SYNJ1: variants seen among roughly 807,000 people sequenced by gnomAD.
The protein encoded by SYNJ1 is synaptojanin 1.
In SYNJ1, 78 loss-of-function variants were observed where a neutral mutation model predicts 168.2. The observed-to-expected ratio is 0.46, with a 90% CI of 0.39 to 0.56. The LOEUF (loss-of-function observed/expected upper bound fraction) is 0.56. Ranked by LOEUF, SYNJ1 falls within the 20% of genes least tolerant of loss-of-function variation. The pLI, the probability that SYNJ1 is intolerant of heterozygous loss-of-function variation, is 0.00. For missense variants in SYNJ1, 1,303 were observed against 1,597.6 expected (o/e 0.82, Z 3.14); for synonymous variants, 539 against 548.6 (o/e 0.98, Z 0.24).
rs1197631788 is a variant in SYNJ1 at position 32,629,227 on chromosome 21, C to T, written c.*2578G>A. 6.6e-6 allele frequency: 1 copy of T among 152,612 alleles called. No individual in the cohort carries two copies. Among genetic ancestry groups the T allele is most frequent in the Non-Finnish European group, 1.5e-5 (1 of 68,036 alleles). 9.5% of individuals were successfully genotyped at this position (152,612 alleles called of 1,614,324 possible). A position where few individuals can be genotyped will look rare whatever the true frequency, so the allele number is the denominator to read the frequency against. On this transcript the variant is annotated 3_prime_UTR_variant, in exon 33 of 33. Transcript: ENST00000674351. ...AATGAATTATTTTGCTAATGGAGAG[C>T]AAATACCATATACACTAGTCACATG...
chr21:32,718,934 C>T (rs2048568551), intron 2 of SYNJ1, among the ~76,000 whole-genome samples: 1 of 152,130 alleles, frequency 6.6e-6, no homozygotes, highest in African/African-American at 2.4e-5. Context: ...ATTCCCCACC[C>T]CTGAAAATAA....
Position 32,639,037 on chromosome 21 carries a change from C to CTCTT in SYNJ1, c.3782_3785dup (p.Pro1263ArgfsTer34). ...TAGGTGCTGCCACAGGGACAAGAGGCTCTTGCAACCTTTGAGCAGGCGGGG... is the reference window on the plus strand; with the variant it reads ...TAGGTGCTGCCACAGGGACAAGAGGCTCTTTCTTGCAACCTTTGAGCAGGCGGGG... On this transcript the variant is annotated frameshift_variant, in exon 31 of 33. Coordinates refer to ENST00000674351, the MANE Select transcript of SYNJ1 (RefSeq NM_203446.3). LOFTEE classifies it high-confidence loss of function. 6.2e-7 allele frequency: 1 copy of CTCTT among 1,614,022 alleles called. No homozygotes were observed. Among genetic ancestry groups the CTCTT allele is most frequent in the Non-Finnish European group, 8.5e-7 (1 of 1,179,940 alleles).
In SYNJ1 at chr21:32,697,075, T is replaced by A. The variant is rs529290683; in HGVS notation, c.480-1793A>T. Among the ~76,000 whole-genome samples, 7 of 152,340 alleles carry A rather than the reference T, an allele frequency of 4.6e-5. No individual in the cohort carries two copies. In the South Asian group the frequency reaches 1.4e-3, roughly 32 times the overall value. The stretch of plus-strand genomic sequence containing the variant: ...TTAAATAGACCTTAAATCCTATGCA[T>A]TTTGTGCAGGCAGAGTTTCTCTCTC... On this transcript the variant is annotated intron_variant, in intron 4 of 32. Transcript: ENST00000674351.
At chr21:32,710,704 T>C (rs539687166) in intron 2 of SYNJ1, among the ~76,000 whole-genome samples, 2 of 152,112 alleles carry the variant, frequency 1.3e-5, no homozygotes, top group Non-Finnish European at 2.9e-5. Flanking sequence ...TGGACTTTTA[T>C]AAACTTCAAA....
intron 7 of SYNJ1, 69 bp from the exon 8 acceptor site, chr21:32,687,143 C>A: frequency 2.6e-6 from 2 of 778,000 alleles, no homozygotes; most frequent in Non-Finnish European, 3.9e-6. Context: ...AAACAATAAT[C>A]CATTATTAAA....
At chr21:32,693,007 G>A (rs1323872393) in intron 6 of SYNJ1, among the ~76,000 whole-genome samples, 3 of 151,690 alleles carry the variant, frequency 2.0e-5, no homozygotes, top group African/African-American at 2.4e-5. Context: ...CTCAAGCCTG[G>A]GTGGCAGAGT....
chr21:32,665,488 C>A (rs1472644043), intron 17 of SYNJ1, among the ~76,000 whole-genome samples: 2 of 152,210 alleles, frequency 1.3e-5, no homozygotes, highest in Non-Finnish European at 2.9e-5. Flanking sequence ...CACTGAGCCA[C>A]ACTAAATTGT....
In SYNJ1 at chr21:32,712,775, A is replaced by G. The variant is rs144290414; in HGVS notation, c.125-10728T>C. ...TTACAATGGGAGAACCTAATTTTAAATTGTTTGTTGGAGGAGGACAATGAT... is the reference window on the plus strand; with the variant it reads ...TTACAATGGGAGAACCTAATTTTAAGTTGTTTGTTGGAGGAGGACAATGAT... On this transcript the variant is annotated intron_variant, in intron 2 of 32. Transcript: ENST00000674351. Among the ~76,000 whole-genome samples the G allele has an allele frequency of 2.6e-5, 4 of 152,322 alleles. No individual in the cohort carries two copies. In the East Asian group the frequency reaches 7.7e-4, roughly 29 times the overall value.
intron 13 of SYNJ1, among the ~76,000 whole-genome samples, chr21:32,674,141 A>G (rs2041311486): frequency 6.6e-6 from 1 of 152,110 alleles, no homozygotes; most frequent in Non-Finnish European, 1.5e-5. Context: ...GGCCCTCAAC[A>G]ATTTGTCTTG....
intron 2 of SYNJ1, 103 bp from the exon 3 acceptor site, chr21:32,702,150 A>G (rs773047545): frequency 2.0e-5 from 15 of 748,644 alleles, no homozygotes; most frequent in Non-Finnish European, 2.8e-5. Flanking sequence ...TAAATCTGAT[A>G]TTCTTAAAAT....
rs538951924 is a variant in SYNJ1 at position 32,638,219 on chromosome 21, G to A, written c.3915+689C>T. Among the ~76,000 whole-genome samples the A allele has an allele frequency of 2.6e-5, 4 of 152,184 alleles. No individual in the cohort carries two copies. The East Asian group carries it at 7.7e-4, about 29-fold the overall frequency. On this transcript the variant is annotated intron_variant, in intron 31 of 32. Transcript: ENST00000674351. ...AAGTAGCCAGGACCACAGGTGCATG[G>A]CACAACACCTGGATAGTTCTTTAAT...
At chr21:32,656,538 G>A in intron 21 of SYNJ1, 149 bp downstream of exon 21, 3 of 643,920 alleles carry the variant, frequency 4.7e-6, no homozygotes, top group South Asian at 2.3e-5. Context: ...TCTTGCTTTA[G>A]TTTGGAAATA....
chr21:32,671,635 G>T (rs1362780747), intron 14 of SYNJ1, among the ~76,000 whole-genome samples: 1 of 152,136 alleles, frequency 6.6e-6, no homozygotes, highest in Non-Finnish European at 1.5e-5. Flanking sequence ...TGGAATAATG[G>T]TGTCTATGAA....
chr21:32,677,084 G>A (rs1305497670), intron 12 of SYNJ1, among the ~76,000 whole-genome samples: 1 of 152,192 alleles, frequency 6.6e-6, no homozygotes, highest in East Asian at 1.9e-4. Flanking sequence ...ATGAATAATG[G>A]AGAAAGGGAT....
At chr21:32,646,732 G>A (rs2040089109) in intron 23 of SYNJ1, 130 bp from the exon 24 acceptor site, 3 of 665,308 alleles carry the variant, frequency 4.5e-6, no homozygotes, top group Admixed American at 2.5e-5. Context: ...AACACACATG[G>A]ATTAAGCATG....
At chr21:32,632,322 C>G (rs1159272732) in intron 32 of SYNJ1, among the ~76,000 whole-genome samples, 1 of 151,680 alleles carries the variant, frequency 6.6e-6, no homozygotes, top group African/African-American at 2.4e-5. Context: ...ATTCCTAAGA[C>G]GAAGACTCCA....
intron 2 of SYNJ1, among the ~76,000 whole-genome samples, chr21:32,709,447 C>T (rs2042737447): frequency 6.7e-6 from 1 of 148,238 alleles, no homozygotes; most frequent in African/African-American, 2.5e-5. Flanking sequence ...ACCGCCTTTC[C>T]ACCCTGGGCG....
At position 32,673,265 on chromosome 21, in the gene SYNJ1, G is replaced by A. The variant is rs920052113; in HGVS notation, c.1726+75C>T. Reference sequence around the variant, plus strand: ...TTCATCAATTAATGCATCCTCTGAAGTGCTATATTTGTTTTCTAGATCAAT... The same window carrying A: ...TTCATCAATTAATGCATCCTCTGAAATGCTATATTTGTTTTCTAGATCAAT... On this transcript the variant is annotated intron_variant, in intron 14 of 32. Transcript: ENST00000674351. 70 of 1,328,040 alleles carry A rather than the reference G, an allele frequency of 5.3e-5. No homozygotes were observed. In the Middle Eastern group the frequency reaches 9.7e-4, roughly 18 times the overall value. 82.3% of individuals were successfully genotyped at this position (1,328,040 alleles called of 1,614,324 possible).
chr21:32,681,187 T>A (rs144774856), intron 11 of SYNJ1, among the ~76,000 whole-genome samples: 25 of 152,132 alleles, frequency 1.6e-4, no homozygotes, highest in African/African-American at 5.8e-4. Context: ...ATACAAAAAG[T>A]AAAACAGATA....
Sources: gnomAD v4.1 joint callset for allele counts (sites outside exome capture counted in the v4.1 genomes callset) on GRCh38, gnomAD v4.1.1 for gene constraint, MANE v1.5 for transcripts, NCBI Gene and HGNC (gene_info 2026-07-23, HGNC 2026-07-21) for gene names.